FAM83A: variants seen among roughly 807,000 people sequenced by gnomAD.
FAM83A encodes the protein scaffolding CK1 anchoring protein A, also known as protein FAM83A.
Under a neutral mutation model 24.4 loss-of-function variants are expected in FAM83A, and 21 were observed. That is an observed-to-expected ratio of 0.86 (90% CI 0.61 to 1.24). The LOEUF (loss-of-function observed/expected upper bound fraction) is 1.24, where lower values mean the gene tolerates loss of function less well. Among genes scored for constraint, FAM83A ranks in the 50% most tolerant of loss-of-function variants. FAM83A has a pLI of 0.00. For synonymous variants in FAM83A, 270 were observed against 252.4 expected (o/e 1.07, Z -0.66); for missense variants, 617 against 579.8 (o/e 1.06, Z -0.66).
chr8:123,195,419 C>T (rs1205388746), intron 3 of FAM83A, among the ~76,000 whole-genome samples: 2 of 152,036 alleles, frequency 1.3e-5, no homozygotes, highest in South Asian at 2.1e-4. Flanking sequence ...GCGGAAAAAC[C>T]CCTACATTTA....
chr8:123,193,031 A>C (rs570607157), intron 2 of FAM83A: 2 of 152,452 alleles, frequency 1.3e-5, no homozygotes, highest in African/African-American at 4.8e-5. Context: ...AGCCACCAGC[A>C]GTCTTTTGAG....
At position 123,207,216 on chromosome 8, in the gene FAM83A, CGG is replaced by C; in HGVS notation, c.834_835del (p.Val279GlyfsTer4). The C allele has an allele frequency of 6.2e-7, 1 of 1,612,278 alleles. No homozygotes were observed. Among genetic ancestry groups the C allele is most frequent in the Non-Finnish European group, 8.5e-7 (1 of 1,179,586 alleles). On this transcript the variant is annotated frameshift_variant, in exon 4 of 4. Transcript: ENST00000690554. LOFTEE classifies it low-confidence loss of function (END_TRUNC). ...ATCCTCTCCAAGTTCACAGGCCAGGCGGTGGAGCTGTTTGACGAGGAGTTCCG... is the reference window on the plus strand; with the variant it reads ...ATCCTCTCCAAGTTCACAGGCCAGGCTGGAGCTGTTTGACGAGGAGTTCCG...
chr8:123,181,049 TTCTCCTGCCTG>T (rs1823586012), upstream of FAM83A, among the ~76,000 whole-genome samples: 1 of 152,150 alleles, frequency 6.6e-6, no homozygotes, highest in Non-Finnish European at 1.5e-5. Context: ...GTTGAAGCAA[TTCTCCTGCCTG>T]ATCTCCTGCC....
intron 3 of FAM83A, among the ~76,000 whole-genome samples, chr8:123,200,179 G>A (rs543534234): frequency 1.4e-5 from 2 of 143,760 alleles, no homozygotes; most frequent in Non-Finnish European, 3.1e-5. Flanking sequence ...ACAGCAGGCA[G>A]AACAAAACCT....
At chr8:123,192,662 A>G (rs1195406467) in intron 2 of FAM83A, among the ~76,000 whole-genome samples, 1 of 152,184 alleles carries the variant, frequency 6.6e-6, no homozygotes, top group Non-Finnish European at 1.5e-5. Flanking sequence ...TAGTTCAGGC[A>G]AGAGAGGTTC....
In FAM83A at chr8:123,182,753, G is replaced by A. The variant is rs186987067; in HGVS notation, c.-104G>A. On this transcript the variant is annotated 5_prime_UTR_variant, in exon 1 of 4. Transcript: ENST00000690554. ...CGGTCCTGGGAGCAGGCGGCCTCCC[G>A]GGGGTGCGGGAGCCCCACTCCTCCG... 4.8e-3 allele frequency: 7,059 copies of A among 1,482,052 alleles called. 26 individuals are homozygous for A. The highest frequency in any genetic ancestry group is 8.9e-3 in the Middle Eastern group (50 of 5,638). The allele number at this position is 1,482,052 out of a possible 1,614,324, so 91.8% of individuals were successfully genotyped here.
chr8:123,209,708 C>A lies in FAM83A; in HGVS notation c.*2020C>A. Reference sequence around the variant, plus strand: ...CTCAGTCCTGGGAGATAGGGGAGAACCTGCAGGCAGGAACAAGCCCCCCTA... The same window carrying A: ...CTCAGTCCTGGGAGATAGGGGAGAAACTGCAGGCAGGAACAAGCCCCCCTA... On this transcript the variant is annotated 3_prime_UTR_variant, in exon 4 of 4. Transcript: ENST00000690554. The surrounding 1 kb of genome is among the most constrained non-coding windows in gnomAD (Gnocchi z 4.7). 2.7e-6 allele frequency: 2 copies of A among 753,946 alleles called. No individual in the cohort carries two copies. Among genetic ancestry groups the A allele is most frequent in the Non-Finnish European group, 4.3e-6 (2 of 465,920 alleles). The allele number at this position is 753,946 out of a possible 1,614,324, so 46.7% of individuals were successfully genotyped here.
At chr8:123,190,993 C>T (rs2131073405) in intron 1 of FAM83A, among the ~76,000 whole-genome samples, 1 of 152,308 alleles carries the variant, frequency 6.6e-6, no homozygotes, top group African/African-American at 2.4e-5. Flanking sequence ...CACCTCTGGA[C>T]CAATGTCTGT....
intron 1 of FAM83A, among the ~76,000 whole-genome samples, chr8:123,188,586 C>T (rs7814158): frequency 0.038 from 5,820 of 151,764 alleles, 389 homozygotes; most frequent in African/African-American, 0.13. Context: ...CAGGTTCAAG[C>T]GATTCTCCTG....
chr8:123,200,364 C>G (rs189159111), intron 3 of FAM83A, among the ~76,000 whole-genome samples: 1 of 152,302 alleles, frequency 6.6e-6, no homozygotes, highest in East Asian at 1.9e-4. Flanking sequence ...GGTCTCTTCC[C>G]TTATTTTCAG....
At chr8:123,201,060 C>A (rs1586786938) in intron 3 of FAM83A, 1 of 150,456 alleles carries the variant, frequency 6.6e-6, no homozygotes. Context: ...GAGGGTGAGG[C>A]AGGAGAATTA....
In FAM83A at chr8:123,209,463, AC is replaced by A. The variant is rs1271067775; in HGVS notation, c.*1776del. The A allele has an allele frequency of 1.2e-6, 2 of 1,614,228 alleles. No homozygotes were observed. Among genetic ancestry groups the A allele is most frequent in the African/African-American group, 1.3e-5 (1 of 75,068 alleles). ...AACAAAACAAAACAAAAACAAAAAA[AC>A]AAACAACACTTTGGTTCCTGATGGC... On this transcript the variant is annotated 3_prime_UTR_variant, in exon 4 of 4. Transcript: ENST00000690554. This position sits in a 1 kb window ranked among gnomAD's most constrained non-coding sequence, Gnocchi z 4.7.
chr8:123,196,269 C>T (rs547821292), intron 3 of FAM83A, among the ~76,000 whole-genome samples: 1 of 152,360 alleles, frequency 6.6e-6, no homozygotes, highest in Non-Finnish European at 1.5e-5. Flanking sequence ...ACCTCAGCCC[C>T]CCAAAGTGCA....
rs142213615 is a variant in FAM83A, at chr8:123,206,656, A to G, written c.774-501A>G. Among the ~76,000 whole-genome samples the G allele has an allele frequency of 4.1e-3, 624 of 152,246 alleles. 4 individuals are homozygous for G. The highest frequency in any genetic ancestry group is 0.014 in the African/African-American group (590 of 41,538). On this transcript the variant is annotated intron_variant, in intron 3 of 3. Coordinates refer to ENST00000690554, the Ensembl canonical transcript of FAM83A. The stretch of plus-strand genomic sequence containing the variant: ...CTGAGCACCAGGAGGGAGCCTTGAG[A>G]CCAGGGATTCGCTCTGGCATCTTAA...
rs571670248 is a variant in FAM83A, at chr8:123,207,637, G to A, written c.1254G>A (p.Pro418=). ...AGCTGGAGCAGCTGGGCCTGGTGCC[G>A]AGGCTGACTCCAACCTGGAGGCCCT... The change falls in exon 4 of 4, where the codon CCG becomes CCA. Residue 418 remains proline, a synonymous_variant. Transcript: ENST00000690554. 6.3e-5 allele frequency: 98 copies of A among 1,546,672 alleles called. No individual in the cohort carries two copies. The South Asian group carries it at 1.1e-3, about 17-fold the overall frequency.
chr8:123,194,440 A>G (rs1327077348), intron 3 of FAM83A, among the ~76,000 whole-genome samples: 4 of 151,908 alleles, frequency 2.6e-5, no homozygotes, highest in Admixed American at 6.6e-5. Flanking sequence ...AGACGTGATT[A>G]TAAAGTGATG....
chr8:123,179,301 T>A (rs1823539121), upstream of FAM83A: 1 of 152,076 alleles, frequency 6.6e-6, no homozygotes. Flanking sequence ...TTAATGTCAT[T>A]ATCATGGGAG....
chr8:123,208,075 A>G, exon 4 of FAM83A: 1 of 1,032,922 alleles, frequency 9.7e-7, no homozygotes, highest in Non-Finnish European at 1.2e-6. Flanking sequence ...GCACTGAGAG[A>G]TAGATGGTAG....
In FAM83A at chr8:123,209,815, C is replaced by A; in HGVS notation, c.*2127C>A. 1 of 494,370 alleles carries A rather than the reference C, an allele frequency of 2.0e-6. No homozygotes were observed. Among genetic ancestry groups the A allele is most frequent in the East Asian group, 3.3e-5 (1 of 30,532 alleles). The allele number at this position is 494,370 out of a possible 1,614,324, so 30.6% of individuals were successfully genotyped here. A position where few individuals can be genotyped will look rare whatever the true frequency, so the allele number is the denominator to read the frequency against. On this transcript the variant is annotated 3_prime_UTR_variant, in exon 4 of 4. Transcript: ENST00000690554. The surrounding 1 kb of genome is among the most constrained non-coding windows in gnomAD (Gnocchi z 4.7). Reference sequence around the variant, plus strand: ...GTGCAGTTTCTCCTCTCCTGGGCACCTGTAACATGTGATGCGCTGCCTGCT... The same window carrying A: ...GTGCAGTTTCTCCTCTCCTGGGCACATGTAACATGTGATGCGCTGCCTGCT...
Sources: allele counts gnomAD v4.1 joint callset (sites outside exome capture counted in the v4.1 genomes callset), GRCh38; gene constraint gnomAD v4.1.1; non-coding constraint Gnocchi (gnomAD v3.1); transcripts MANE v1.5; gene names NCBI Gene and HGNC (gene_info 2026-07-23, HGNC 2026-07-21).